The following DLGAP2 variants were observed in gnomAD, a reference collection of about 807,000 sequenced individuals.
The protein encoded by DLGAP2 is disks large-associated protein 2.
A neutral mutation model predicts 100.3 loss-of-function variants in DLGAP2; 26 were observed. The observed-to-expected ratio is 0.26, with a 90% confidence interval of 0.19 to 0.36. DLGAP2 has a LOEUF of 0.36. Among genes scored for constraint, DLGAP2 ranks in the 10% least tolerant of loss-of-function variants. The pLI is 1.00. For synonymous variants in DLGAP2, 886 were observed against 630.1 expected (o/e 1.41, Z -6.08); for missense variants, 1,858 against 1,453.2 (o/e 1.28, Z -4.53).
At position 937,972 on chromosome 8, in the gene DLGAP2, A is replaced by G. The variant is rs117507053; in HGVS notation, c.73+30006A>G. Among the ~76,000 whole-genome samples the G allele has an allele frequency of 3.5e-4, 54 of 152,206 alleles. No homozygotes were observed. The East Asian group carries it at 9.7e-3, about 27-fold the overall frequency. On this transcript the variant is annotated intron_variant, in intron 2 of 14. Transcript: ENST00000637795. ...GCTGATCCAAGGTGGAGCTGAGGGT[A>G]GTTCAGCAGTTCTTACTCTCATATC...
At chr8:1,287,170 G>GCA (rs1563061986) in intron 3 of DLGAP2, among the ~76,000 whole-genome samples, 5 of 142,970 alleles carry the variant, frequency 3.5e-5, no homozygotes, top group Non-Finnish European at 7.6e-5. Context: ...GCGCGCGCGC[G>GCA]TGGTTCTGTT....
At chr8:761,935 C>T (rs549467919) in intron 1 of DLGAP2, among the ~76,000 whole-genome samples, 2 of 152,306 alleles carry the variant, frequency 1.3e-5, no homozygotes, top group East Asian at 3.9e-4. Flanking sequence ...GATGAGGATG[C>T]TTCTGAAGCA....
At chr8:1,320,214 A>C (rs1419805440) in intron 3 of DLGAP2, among the ~76,000 whole-genome samples, 3 of 151,988 alleles carry the variant, frequency 2.0e-5, no homozygotes, top group African/African-American at 7.3e-5. Flanking sequence ...GGGGAAGGGT[A>C]AGGATGAAAT....
intron 3 of DLGAP2, among the ~76,000 whole-genome samples, chr8:1,407,374 T>A: frequency 1.9e-5 from 2 of 103,102 alleles, no homozygotes; most frequent in Non-Finnish European, 4.0e-5. Context: ...CGCTCCCTCC[T>A]TGTCCTCCGG....
intron 2 of DLGAP2, among the ~76,000 whole-genome samples, chr8:1,181,473 C>G (rs1030275950): frequency 6.6e-6 from 1 of 152,006 alleles, no homozygotes; most frequent in African/African-American, 2.4e-5. Flanking sequence ...GTATTCTCAC[C>G]TCTAAGTGGA....
At chr8:834,983 TGTTA>T (rs1291990015) in intron 1 of DLGAP2, among the ~76,000 whole-genome samples, 5 of 152,346 alleles carry the variant, frequency 3.3e-5, no homozygotes, top group Non-Finnish European at 5.9e-5. Context: ...TGTGCATGTA[TGTTA>T]GTGTGCACAT....
chr8:911,328 G>C (rs933780144), intron 2 of DLGAP2, among the ~76,000 whole-genome samples: 1 of 151,288 alleles, frequency 6.6e-6, no homozygotes, highest in Non-Finnish European at 1.5e-5. Flanking sequence ...GTATATGTTG[G>C]AAGGACGCAT....
chr8:828,114 C>G lies in DLGAP2; in HGVS notation c.19-79798C>G, dbSNP rs990193294. Among the ~76,000 whole-genome samples the G allele has an allele frequency of 5.3e-5, 8 of 152,288 alleles. No individual in the cohort carries two copies. The East Asian group carries it at 1.5e-3, about 29-fold the overall frequency. ...GAGGCACGGCGAGATCACAGGACCACAGGACCGAAGCGAAATTAAAATTGC... is the reference window on the plus strand; with the variant it reads ...GAGGCACGGCGAGATCACAGGACCAGAGGACCGAAGCGAAATTAAAATTGC... On this transcript the variant is annotated intron_variant, in intron 1 of 14. Coordinates refer to ENST00000637795, the MANE Select transcript of DLGAP2 (RefSeq NM_001346810.2).
chr8:910,921 C>T (rs1471680740), intron 2 of DLGAP2, among the ~76,000 whole-genome samples: 6 of 152,110 alleles, frequency 3.9e-5, no homozygotes, highest in African/African-American at 9.7e-5. Context: ...GGGCTGAAGG[C>T]GGGCCCACTT....
chr8:1,569,185 G>A (rs1296452370), intron 6 of DLGAP2, among the ~76,000 whole-genome samples: 1 of 152,072 alleles, frequency 6.6e-6, no homozygotes, highest in South Asian at 2.1e-4. Flanking sequence ...AATCCACTCT[G>A]CCTATGGCCC....
At chr8:1,503,287 C>G (rs536537307) in intron 4 of DLGAP2, among the ~76,000 whole-genome samples, 2 of 151,484 alleles carry the variant, frequency 1.3e-5, no homozygotes, top group Non-Finnish European at 2.9e-5. Context: ...CACTCAGTCC[C>G]TTTCCCCTCC....
chr8:936,419 G>A (rs1385677890), intron 2 of DLGAP2, among the ~76,000 whole-genome samples: 4 of 152,188 alleles, frequency 2.6e-5, no homozygotes, highest in Non-Finnish European at 5.9e-5. Flanking sequence ...GGGAGATGGC[G>A]GCCTTTCTTT....
At chr8:996,232 C>T (rs1462431578) in intron 2 of DLGAP2, among the ~76,000 whole-genome samples, 1 of 152,158 alleles carries the variant, frequency 6.6e-6, no homozygotes, top group East Asian at 1.9e-4. Context: ...AGTAACTTTT[C>T]TTTGATTGTG....
chr8:1,482,187 G>T (rs1215462281), intron 3 of DLGAP2, among the ~76,000 whole-genome samples: 2 of 152,236 alleles, frequency 1.3e-5, no homozygotes, highest in African/African-American at 2.4e-5. Flanking sequence ...GCTTGAGAAC[G>T]TGTGGGTTTT....
intron 4 of DLGAP2, among the ~76,000 whole-genome samples, chr8:1,529,890 C>T (rs1188160437): frequency 6.6e-6 from 1 of 152,156 alleles, no homozygotes; most frequent in Non-Finnish European, 1.5e-5. Context: ...CAAAAACCAG[C>T]ACGTTTTTAT....
chr8:741,243 C>A (rs375439100), intron 1 of DLGAP2, among the ~76,000 whole-genome samples: 1 of 152,170 alleles, frequency 6.6e-6, no homozygotes, highest in African/African-American at 2.4e-5. Context: ...GGCATGGGGT[C>A]GTAGGGTGTG....
At chr8:1,026,786 T>C (rs1283726040) in intron 2 of DLGAP2, among the ~76,000 whole-genome samples, 3 of 152,256 alleles carry the variant, frequency 2.0e-5, no homozygotes, top group African/African-American at 4.8e-5. Context: ...ACGTATTCTA[T>C]GCTTTAGGTA....
In DLGAP2 at chr8:1,052,724, A is replaced by G. The variant is rs538547801; in HGVS notation, c.73+144758A>G. On this transcript the variant is annotated intron_variant, in intron 2 of 14. Transcript: ENST00000637795. ...GTCATCAGAATAACTCATCTGGGTA[A>G]TACAGGGAGGGGTTTTCTAGGGGCT... Among the ~76,000 whole-genome samples, 7 of 152,222 alleles carry G rather than the reference A, an allele frequency of 4.6e-5. No individual in the cohort carries two copies. The East Asian group carries it at 1.2e-3, about 25-fold the overall frequency.
At chr8:799,420 T>C (rs911790287) in intron 1 of DLGAP2, among the ~76,000 whole-genome samples, 1 of 152,116 alleles carries the variant, frequency 6.6e-6, no homozygotes, top group Non-Finnish European at 1.5e-5. Flanking sequence ...TACCAGAGAA[T>C]TAGAGGCGTT....
Sources: allele counts gnomAD v4.1 joint callset (sites outside exome capture counted in the v4.1 genomes callset), GRCh38; gene constraint gnomAD v4.1.1; transcripts MANE v1.5; gene names NCBI Gene and HGNC (gene_info 2026-07-23, HGNC 2026-07-21).